The following SEMA5A variants were observed in gnomAD, a reference collection of about 807,000 sequenced individuals.
SEMA5A encodes semaphorin-5A.
In SEMA5A, 55 loss-of-function variants were observed where a neutral mutation model predicts 135.5. The ratio of observed to expected loss-of-function variants is 0.41; its 90% CI spans 0.33 to 0.51. SEMA5A has a LOEUF of 0.51. SEMA5A is among the 20% of genes least tolerant of loss of function. The pLI is 0.37. For synonymous variants in SEMA5A, 580 were observed against 546.5 expected (o/e 1.06, Z -0.85); for missense variants, 1,290 against 1,419.9 (o/e 0.91, Z 1.47).
Position 9,039,252 on chromosome 5 carries a change from T to C in SEMA5A, c.*3645A>G, listed in dbSNP as rs960455545. 4 of 152,374 alleles carry C rather than the reference T, an allele frequency of 2.6e-5. No individual in the cohort carries two copies. The highest frequency in any genetic ancestry group is 7.2e-5 in the African/African-American group (3 of 41,588). The allele number at this position is 152,374 out of a possible 1,614,324, so 9.4% of individuals were successfully genotyped here. The stretch of plus-strand genomic sequence containing the variant: ...GAAGTGGGCAACCGTTTCCGGGAAC[T>C]GTCCATAGCACTTGCTGGGGTGACC... On this transcript the variant is annotated 3_prime_UTR_variant, in exon 23 of 23. Coordinates refer to ENST00000382496, the MANE Select transcript of SEMA5A (RefSeq NM_003966.3).
At chr5:9,280,690 A>G (rs1461565933) in intron 5 of SEMA5A, 1 of 234,226 alleles carries the variant, frequency 4.3e-6, no homozygotes, top group Non-Finnish European at 9.0e-6. Context: ...ATTAACAGAA[A>G]CAAGAATTTG....
At chr5:9,501,724 G>C (rs928172030) in intron 1 of SEMA5A, among the ~76,000 whole-genome samples, 2 of 152,102 alleles carry the variant, frequency 1.3e-5, no homozygotes, top group African/African-American at 4.8e-5. Flanking sequence ...AGATGACTGA[G>C]CAAAAGAGAA....
At chr5:9,103,526 T>C (rs1739739974) in intron 16 of SEMA5A, among the ~76,000 whole-genome samples, 1 of 152,222 alleles carries the variant, frequency 6.6e-6, no homozygotes, top group South Asian at 2.1e-4. Flanking sequence ...GGTTCTTTTG[T>C]ATCTAGGAAA....
At chr5:9,048,587 G>A (rs938395372) in intron 21 of SEMA5A, among the ~76,000 whole-genome samples, 1 of 152,096 alleles carries the variant, frequency 6.6e-6, no homozygotes, top group African/African-American at 2.4e-5. Flanking sequence ...CCCTGTGCAG[G>A]TGTCACGTAA....
chr5:9,440,532 T>TA lies in SEMA5A; in HGVS notation c.-174-2681dup, dbSNP rs575154473. ...TCATAATTTTCAGAGTTCTGCCTCTTAAAAAATGCCACCATGAACATATAT... is the reference window on the plus strand; with the variant it reads ...TCATAATTTTCAGAGTTCTGCCTCTTAAAAAAATGCCACCATGAACATATAT... On this transcript the variant is annotated intron_variant, in intron 1 of 22. Coordinates refer to ENST00000382496, the MANE Select transcript of SEMA5A (RefSeq NM_003966.3). Among the ~76,000 whole-genome samples the TA allele has an allele frequency of 1.3e-3, 192 of 152,328 alleles. 1 individual carries two copies. Among genetic ancestry groups the TA allele is most frequent in the Middle Eastern group, 0.01 (3 of 294 alleles).
At chr5:9,138,732 T>G (rs1741899680) in intron 12 of SEMA5A, among the ~76,000 whole-genome samples, 2 of 152,214 alleles carry the variant, frequency 1.3e-5, no homozygotes, top group Admixed American at 1.3e-4. Context: ...GCATCCAATT[T>G]GTGGTATTTT....
At chr5:9,253,292 T>C (rs540103373) in intron 5 of SEMA5A, among the ~76,000 whole-genome samples, 3 of 152,288 alleles carry the variant, frequency 2.0e-5, no homozygotes, top group African/African-American at 7.2e-5. Flanking sequence ...GTATGATAAC[T>C]TTCTTCCATA....
At chr5:9,416,814 T>A (rs951530683) in intron 2 of SEMA5A, among the ~76,000 whole-genome samples, 1 of 152,144 alleles carries the variant, frequency 6.6e-6, no homozygotes, top group Non-Finnish European at 1.5e-5. Flanking sequence ...TATCTGTCAA[T>A]AGAGGCCAGT....
At chr5:9,320,449 C>T (rs1752578186) in intron 4 of SEMA5A, among the ~76,000 whole-genome samples, 1 of 152,194 alleles carries the variant, frequency 6.6e-6, no homozygotes, top group South Asian at 2.1e-4. Flanking sequence ...GGCACATTGC[C>T]CCGTAATCCC....
At chr5:9,481,850 A>G (rs2126780152) in intron 1 of SEMA5A, among the ~76,000 whole-genome samples, 1 of 152,326 alleles carries the variant, frequency 6.6e-6, no homozygotes, top group East Asian at 1.9e-4. Context: ...AACAAAGAGC[A>G]CATCCCTAAC....
chr5:9,185,827 G>A (rs924965182), intron 11 of SEMA5A, among the ~76,000 whole-genome samples: 2 of 152,158 alleles, frequency 1.3e-5, no homozygotes, highest in Non-Finnish European at 2.9e-5. Flanking sequence ...ATGGCATTGT[G>A]GGGGAGGGAG....
chr5:9,406,295 T>C (rs368444244), intron 2 of SEMA5A, among the ~76,000 whole-genome samples: 1 of 152,218 alleles, frequency 6.6e-6, no homozygotes, highest in East Asian at 1.9e-4. Flanking sequence ...CACAGGCTTC[T>C]AAAAGGCTGG....
chr5:9,245,266 G>T (rs1306616893), intron 5 of SEMA5A, among the ~76,000 whole-genome samples: 1 of 152,026 alleles, frequency 6.6e-6, no homozygotes, highest in Non-Finnish European at 1.5e-5. Flanking sequence ...TAGTCACTTA[G>T]GAGCCCTCTC....
rs527666959 is a variant in SEMA5A at position 9,044,367 on chromosome 5, A to C, written c.3105+6T>G. The C allele has an allele frequency of 5.0e-6, 8 of 1,610,778 alleles. No individual in the cohort carries two copies. The East Asian group carries it at 1.3e-4, about 27-fold the overall frequency. ...GCACTTAGCAGAAATATTAAAATTCACTTACCTTGATGGCCTCCACCGAGT... is the reference window on the plus strand; with the variant it reads ...GCACTTAGCAGAAATATTAAAATTCCCTTACCTTGATGGCCTCCACCGAGT... On this transcript the variant is annotated splice_donor_region_variant and intron_variant, in intron 22 of 22. Transcript: ENST00000382496.
chr5:9,194,131 A>G (rs532678615), intron 10 of SEMA5A, among the ~76,000 whole-genome samples: 46 of 152,284 alleles, frequency 3.0e-4, no homozygotes, highest in Admixed American at 5.9e-4. Context: ...GTGATGTTTT[A>G]TATCAGTGAT....
intron 2 of SEMA5A, among the ~76,000 whole-genome samples, chr5:9,405,032 G>T (rs1246843692): frequency 6.6e-6 from 1 of 152,158 alleles, no homozygotes; most frequent in Non-Finnish European, 1.5e-5. Flanking sequence ...GCAAATTCTA[G>T]AGTTACAGAA....
chr5:9,110,629 C>T (rs1246203327), intron 15 of SEMA5A, among the ~76,000 whole-genome samples: 2 of 152,204 alleles, frequency 1.3e-5, no homozygotes, highest in African/African-American at 2.4e-5. Flanking sequence ...AGAAGACACT[C>T]TTACTTCCAG....
intron 3 of SEMA5A, among the ~76,000 whole-genome samples, chr5:9,360,642 A>C (rs1754650904): frequency 6.6e-6 from 1 of 152,250 alleles, no homozygotes; most frequent in African/African-American, 2.4e-5. Context: ...AATAGGACAC[A>C]CTGGGTGCAT....
chr5:9,076,573 C>A (rs557730859), intron 16 of SEMA5A, among the ~76,000 whole-genome samples: 12 of 152,286 alleles, frequency 7.9e-5, no homozygotes, highest in African/African-American at 2.9e-4. Flanking sequence ...CTTGATCACA[C>A]ACATTATATA....
Sources: allele counts gnomAD v4.1 joint callset (sites outside exome capture counted in the v4.1 genomes callset), GRCh38; gene constraint gnomAD v4.1.1; transcripts MANE v1.5; gene names NCBI Gene and HGNC (gene_info 2026-07-23, HGNC 2026-07-21).